Variants in UBE2R2 observed in about 807,000 individuals in gnomAD.
UBE2R2 encodes the protein ubiquitin-conjugating enzyme E2 R2.
A neutral mutation model predicts 27.8 loss-of-function variants in UBE2R2; 1 was observed. The ratio of observed to expected loss-of-function variants is 0.04; its 90% CI spans 0.01 to 0.17. The LOEUF is 0.17. Ranked by LOEUF, UBE2R2 falls within the 10% of genes least tolerant of loss-of-function variation. The pLI, the probability that UBE2R2 is intolerant of heterozygous loss-of-function variation, is 1.00. For synonymous variants in UBE2R2, 106 were observed against 113.3 expected (o/e 0.94, Z 0.41); for missense variants, 100 against 291.0 (o/e 0.34, Z 4.78).
intron 1 of UBE2R2, among the ~76,000 whole-genome samples, chr9:33,884,930 T>C (rs565811015): frequency 3.3e-5 from 5 of 152,334 alleles, no homozygotes; most frequent in Non-Finnish European, 7.4e-5. Context: ...TTGTAATTAC[T>C]GTTGACTTCT....
chr9:33,913,372 C>T (rs1822538654), intron 4 of UBE2R2, among the ~76,000 whole-genome samples: 2 of 152,182 alleles, frequency 1.3e-5, no homozygotes, highest in African/African-American at 4.8e-5. Context: ...AGTCCTCCCA[C>T]CTGGGCCTCC....
intron 4 of UBE2R2, among the ~76,000 whole-genome samples, chr9:33,914,348 A>G (rs1822582007): frequency 6.6e-6 from 1 of 152,228 alleles, no homozygotes; most frequent in South Asian, 2.1e-4. Flanking sequence ...TAACAGCATG[A>G]CATGTTAAGG....
chr9:33,848,696 G>C (rs1291759958), intron 1 of UBE2R2, among the ~76,000 whole-genome samples: 2 of 151,758 alleles, frequency 1.3e-5, no homozygotes, highest in Non-Finnish European at 1.5e-5. Context: ...CTGCCTCCCA[G>C]GTTCTAGCAA....
chr9:33,874,541 A>G (rs1212099215), intron 1 of UBE2R2, among the ~76,000 whole-genome samples: 1 of 152,078 alleles, frequency 6.6e-6, no homozygotes. Context: ...ATGAAGAAAT[A>G]TATATGCACA....
intron 1 of UBE2R2, among the ~76,000 whole-genome samples, chr9:33,832,378 C>T (rs762506858): frequency 1.5e-4 from 23 of 150,610 alleles, no homozygotes; most frequent in Non-Finnish European, 3.2e-4. Flanking sequence ...TTTTTTCGGC[C>T]GGGCGCTGTG....
At chr9:33,880,793 T>G (rs1821716718) in intron 1 of UBE2R2, among the ~76,000 whole-genome samples, 1 of 152,182 alleles carries the variant, frequency 6.6e-6, no homozygotes, top group African/African-American at 2.4e-5. Context: ...GTGCGAACCC[T>G]GTTGTGAACT....
At chr9:33,838,279 G>GTTTTTTTTTTTTCTTTT in intron 1 of UBE2R2, among the ~76,000 whole-genome samples, 1 of 137,188 alleles carries the variant, frequency 7.3e-6, no homozygotes, top group Non-Finnish European at 1.6e-5. Flanking sequence ...TTTTTTTCTT[G>GTTTTTTTTTTTTCTTTT]TTTTTTTTTC....
intron 1 of UBE2R2, among the ~76,000 whole-genome samples, chr9:33,837,901 A>T (rs980581567): frequency 5.3e-5 from 8 of 152,116 alleles, no homozygotes; most frequent in Non-Finnish European, 1.2e-4. Context: ...TTCTCCTATT[A>T]ACTCCCTGAA....
chr9:33,911,604 A>C (rs1173031516), intron 3 of UBE2R2, among the ~76,000 whole-genome samples: 1 of 152,106 alleles, frequency 6.6e-6, no homozygotes, highest in African/African-American at 2.4e-5. Flanking sequence ...ACATGTGACC[A>C]GTTGAAACAG....
chr9:33,877,823 G>GTCTGTCTGTCTCTCTT, intron 1 of UBE2R2, among the ~76,000 whole-genome samples: 60 of 131,128 alleles, frequency 4.6e-4, no homozygotes, highest in South Asian at 4.4e-3. Context: ...CTGTCTGTCT[G>GTCTGTCTGTCTCTCTT]TCTCTCTCTC....
intron 1 of UBE2R2, among the ~76,000 whole-genome samples, chr9:33,840,314 C>T (rs1820703770): frequency 1.3e-5 from 2 of 152,260 alleles, no homozygotes; most frequent in Admixed American, 1.3e-4. Context: ...CTCTCTCAGT[C>T]ATTTCCTTTT....
chr9:33,843,495 T>C (rs2130742709), intron 1 of UBE2R2, among the ~76,000 whole-genome samples: 1 of 152,204 alleles, frequency 6.6e-6, no homozygotes, highest in East Asian at 1.9e-4. Flanking sequence ...GTTTTTTTTT[T>C]TGAGATGGAG....
chr9:33,895,132 T>C (rs997964255), intron 2 of UBE2R2, among the ~76,000 whole-genome samples: 1 of 152,362 alleles, frequency 6.6e-6, no homozygotes, highest in African/African-American at 2.4e-5. Flanking sequence ...CCTTTTCACT[T>C]TCTTGATAAT....
intron 1 of UBE2R2, among the ~76,000 whole-genome samples, chr9:33,842,199 C>T (rs1188990193): frequency 6.6e-6 from 1 of 152,054 alleles, no homozygotes; most frequent in African/African-American, 2.4e-5. Flanking sequence ...CAGGAATTCT[C>T]CACCAGCCTG....
intron 1 of UBE2R2, among the ~76,000 whole-genome samples, chr9:33,864,440 T>C (rs918129793): frequency 6.6e-6 from 1 of 152,208 alleles, no homozygotes; most frequent in African/African-American, 2.4e-5. Context: ...TGCTAAATAA[T>C]TCTATTGTTA....
At chr9:33,867,699 T>A (rs961589839) in intron 1 of UBE2R2, among the ~76,000 whole-genome samples, 8 of 152,244 alleles carry the variant, frequency 5.3e-5, no homozygotes, top group Non-Finnish European at 1.2e-4. Flanking sequence ...CCTGTTCAAG[T>A]CTTTTGCTCA....
At chr9:33,862,837 ATTGT>A (rs986943926) in intron 1 of UBE2R2, among the ~76,000 whole-genome samples, 1 of 150,722 alleles carries the variant, frequency 6.6e-6, no homozygotes, top group Non-Finnish European at 1.5e-5. Flanking sequence ...GTTATATAGA[ATTGT>A]TTAACTTTTA....
At chr9:33,847,683 T>TC (rs1374207515) in intron 1 of UBE2R2, among the ~76,000 whole-genome samples, 2 of 151,972 alleles carry the variant, frequency 1.3e-5, no homozygotes, top group Admixed American at 1.3e-4. Flanking sequence ...TCTGTGTGTC[T>TC]CCAACACTGT....
chr9:33,826,145 C>CAA (rs36036831), intron 1 of UBE2R2, among the ~76,000 whole-genome samples: 9,859 of 102,452 alleles, frequency 0.096, 438 homozygotes, highest in Middle Eastern at 0.13. Flanking sequence ...GACTCTGTCT[C>CAA]AAAAAAAAAA....
Sources: allele counts gnomAD v4.1 joint callset (sites outside exome capture counted in the v4.1 genomes callset), GRCh38; gene constraint gnomAD v4.1.1; transcripts MANE v1.5; gene names NCBI Gene and HGNC (gene_info 2026-07-23, HGNC 2026-07-21).